The following CHN1 variants were observed in gnomAD, a reference collection of about 807,000 sequenced individuals.
CHN1 encodes the protein N-chimaerin.
CHN1 carries 37 observed loss-of-function variants against 59.5 expected under a neutral mutation model. The observed-to-expected ratio is 0.62, with a 90% confidence interval of 0.48 to 0.82. The LOEUF is 0.82. Among genes scored for constraint, CHN1 ranks in the 40% least tolerant of loss-of-function variants. The pLI is 0.00. For missense variants in CHN1, 469 were observed against 571.0 expected (o/e 0.82, Z 1.82); for synonymous variants, 206 against 200.4 (o/e 1.03, Z -0.24).
chr2:174,851,533 C>A (rs1167125766), intron 6 of CHN1, among the ~76,000 whole-genome samples: 1 of 152,160 alleles, frequency 6.6e-6, no homozygotes, highest in Non-Finnish European at 1.5e-5. Context: ...TCACTGGCCT[C>A]AGCCTCCCAA....
chr2:174,926,964 T>C (rs1337623131), intron 3 of CHN1, among the ~76,000 whole-genome samples: 1 of 152,102 alleles, frequency 6.6e-6, no homozygotes, highest in Non-Finnish European at 1.5e-5. Flanking sequence ...TTCACCGTGT[T>C]AGCCAGGATA....
intron 2 of CHN1, among the ~76,000 whole-genome samples, chr2:174,947,107 A>G (rs1403614610): frequency 6.6e-6 from 1 of 152,168 alleles, no homozygotes; most frequent in Non-Finnish European, 1.5e-5. Flanking sequence ...AAGAACATTA[A>G]AAGTTAATAC....
rs1294304245 is a variant in CHN1, at chr2:174,798,905, G to C, written c.*1211C>G. Reference sequence around the variant, plus strand: ...CTGATAGGCACAGAAACAGACTCTGGAGGGTTGTTGGCTCCAAGCCACACA... The same window carrying C: ...CTGATAGGCACAGAAACAGACTCTGCAGGGTTGTTGGCTCCAAGCCACACA... On this transcript the variant is annotated 3_prime_UTR_variant, in exon 13 of 13. Coordinates refer to ENST00000409900, the MANE Select transcript of CHN1 (RefSeq NM_001822.7). Among the ~76,000 whole-genome samples the C allele has an allele frequency of 6.6e-6, 1 of 152,210 alleles. No individual in the cohort carries two copies. The highest frequency in any genetic ancestry group is 6.5e-5 in the Admixed American group (1 of 15,274).
At position 174,817,482 on chromosome 2, in the gene CHN1, T is replaced by A. The variant is rs1033683642; in HGVS notation, c.713-5000A>T. On this transcript the variant is annotated intron_variant, in intron 8 of 12. Transcript: ENST00000409900. Reference sequence around the variant, plus strand: ...TCCCCCAATTTTTTTTTTTTTTTTTTAAAACAGGGTCTCGCTCTGTCACCC... The same window carrying A: ...TCCCCCAATTTTTTTTTTTTTTTTTAAAAACAGGGTCTCGCTCTGTCACCC... 3.3e-5 allele frequency among the ~76,000 whole-genome samples: 5 copies of A among 151,290 alleles called. No individual in the cohort carries two copies. The East Asian group carries it at 5.8e-4, about 18-fold the overall frequency.
In CHN1 at chr2:174,945,314, T is replaced by C. The variant is rs369910934; in HGVS notation, c.59-371A>G. 1.7e-5 allele frequency: 4 copies of C among 233,478 alleles called. No individual in the cohort carries two copies. In the East Asian group the frequency reaches 4.7e-4, roughly 27 times the overall value. The allele number at this position is 233,478 out of a possible 1,614,324, so 14.5% of individuals were successfully genotyped here. ...TATACATATATTTAAAGCATGTTATTAAGTGTCAACCTTGAAACTAAAATC... is the reference window on the plus strand; with the variant it reads ...TATACATATATTTAAAGCATGTTATCAAGTGTCAACCTTGAAACTAAAATC... On this transcript the variant is annotated intron_variant, in intron 2 of 12. Coordinates refer to ENST00000409900, the MANE Select transcript of CHN1 (RefSeq NM_001822.7).
intron 3 of CHN1, among the ~76,000 whole-genome samples, chr2:174,920,421 T>C (rs962155185): frequency 6.6e-6 from 1 of 152,196 alleles, no homozygotes; most frequent in Non-Finnish European, 1.5e-5. Flanking sequence ...TCAAGGTTAC[T>C]TGTTCAAGTG....
At chr2:174,851,872 G>T (rs543178640) in intron 6 of CHN1, among the ~76,000 whole-genome samples, 2 of 152,220 alleles carry the variant, frequency 1.3e-5, no homozygotes, top group East Asian at 3.9e-4. Flanking sequence ...CTGGCAAAAG[G>T]CTACCAGAAC....
intron 2 of CHN1, among the ~76,000 whole-genome samples, chr2:174,950,192 G>A (rs1397129893): frequency 6.6e-6 from 1 of 151,912 alleles, no homozygotes. Flanking sequence ...AGGCTGTAGC[G>A]TGCCAAGATT....
intron 7 of CHN1, among the ~76,000 whole-genome samples, chr2:174,834,801 ATTTATATTCT>A (rs1686015957): frequency 2.0e-5 from 3 of 152,242 alleles, no homozygotes; most frequent in Admixed American, 1.3e-4. Flanking sequence ...TATAAAAATA[ATTTATATTCT>A]TTTAAACAAA....
chr2:174,885,059 G>A (rs1212032342), intron 5 of CHN1, among the ~76,000 whole-genome samples: 1 of 151,876 alleles, frequency 6.6e-6, no homozygotes, highest in African/African-American at 2.4e-5. Flanking sequence ...AGGCCAAGGT[G>A]GGCGGATCAC....
At chr2:174,901,810 T>C (rs757918800) in intron 5 of CHN1, among the ~76,000 whole-genome samples, 24 of 152,192 alleles carry the variant, frequency 1.6e-4, no homozygotes, top group Non-Finnish European at 1.9e-4. Context: ...CACGTGGTAA[T>C]AAAAACAAAG....
chr2:174,817,069 A>G (rs1394588644), intron 8 of CHN1, among the ~76,000 whole-genome samples: 2 of 152,160 alleles, frequency 1.3e-5, no homozygotes, highest in South Asian at 2.1e-4. Flanking sequence ...TCCTCTTCCC[A>G]CTGGGTCACA....
chr2:174,803,847 C>A (rs190495831), intron 11 of CHN1, among the ~76,000 whole-genome samples: 37 of 152,106 alleles, frequency 2.4e-4, no homozygotes, highest in African/African-American at 8.5e-4. Context: ...AACCACTGCA[C>A]GCAGCTCTAG....
chr2:174,930,575 C>G lies in CHN1; in HGVS notation c.115-12010G>C, dbSNP rs908801954. Reference sequence around the variant, plus strand: ...AGTCAAGTAGGTTGTACCTAGCTGGCCCAAAGGGAGGTCAACAAAGGAGTC... The same window carrying G: ...AGTCAAGTAGGTTGTACCTAGCTGGGCCAAAGGGAGGTCAACAAAGGAGTC... On this transcript the variant is annotated intron_variant, in intron 3 of 12. Transcript: ENST00000409900. 5.3e-5 allele frequency among the ~76,000 whole-genome samples: 8 copies of G among 152,032 alleles called. 1 individual carries two copies. The highest frequency in any genetic ancestry group is 5.2e-4 in the Admixed American group (8 of 15,260).
At chr2:174,999,629 A>C (rs1691820069) in intron 1 of CHN1, among the ~76,000 whole-genome samples, 1 of 152,248 alleles carries the variant, frequency 6.6e-6, no homozygotes. Flanking sequence ...AATTAGTATA[A>C]AACATGTATT....
chr2:174,916,100 T>TA (rs1217061973), intron 4 of CHN1, among the ~76,000 whole-genome samples: 1 of 152,190 alleles, frequency 6.6e-6, no homozygotes, highest in East Asian at 1.9e-4. Flanking sequence ...ACTCAACTGT[T>TA]ACCAATGTCC....
At chr2:174,999,804 A>T (rs1290751727) in intron 1 of CHN1, among the ~76,000 whole-genome samples, 1 of 152,206 alleles carries the variant, frequency 6.6e-6, no homozygotes, top group East Asian at 1.9e-4. Context: ...AGGCCGGGAG[A>T]GGGAGGATTT....
At chr2:174,828,301 T>C (rs1685759981) in intron 7 of CHN1, among the ~76,000 whole-genome samples, 1 of 152,198 alleles carries the variant, frequency 6.6e-6, no homozygotes, top group African/African-American at 2.4e-5. Flanking sequence ...GGGTGACACA[T>C]TATAAAATCG....
intron 8 of CHN1, among the ~76,000 whole-genome samples, chr2:174,817,637 T>G (rs995076509): frequency 6.7e-6 from 1 of 149,402 alleles, no homozygotes. Context: ...GATTTTTTTT[T>G]CTTTTTTTTT....
Sources: allele counts gnomAD v4.1 joint callset (sites outside exome capture counted in the v4.1 genomes callset), GRCh38; gene constraint gnomAD v4.1.1; transcripts MANE v1.5; gene names NCBI Gene and HGNC (gene_info 2026-07-23, HGNC 2026-07-21).